The following MRAP2 variants were observed in gnomAD, a reference collection of about 807,000 sequenced individuals.
The protein encoded by MRAP2 is melanocortin 2 receptor accessory protein 2, also known as melanocortin-2 receptor accessory protein 2.
In MRAP2, 20 loss-of-function variants were observed where a neutral mutation model predicts 17.4. The ratio of observed to expected loss-of-function variants is 1.15; its 90% CI spans 0.81 to 1.67. The LOEUF is 1.67. MRAP2 is among the 40% of genes most tolerant of loss of function. MRAP2 has a pLI of 0.00. For synonymous variants in MRAP2, 96 were observed against 88.4 expected (o/e 1.09, Z -0.48); for missense variants, 238 against 240.0 (o/e 0.99, Z 0.05).
At chr6:84,123,253 CAA>C in the MRAP2 span, among the ~76,000 whole-genome samples, 23 of 119,380 alleles carry the variant, frequency 1.9e-4, no homozygotes, top group Non-Finnish European at 3.1e-4. Context: ...CGCCCAACTC[CAA>C]AAAAAAAAAA....
chr6:84,071,177 G>T (rs1007632933), intron 3 of MRAP2, among the ~76,000 whole-genome samples: 16 of 152,142 alleles, frequency 1.1e-4, no homozygotes, highest in Admixed American at 2.0e-4. Flanking sequence ...CATAGGTCCT[G>T]TGTGATTTAT....
chr6:84,092,961 A>C (rs955350847), downstream of MRAP2, among the ~76,000 whole-genome samples: 1 of 152,214 alleles, frequency 6.6e-6, no homozygotes, highest in Admixed American at 6.5e-5. Context: ...GTTAAGCTGC[A>C]AGGCCTGGAA....
chr6:84,099,181 C>CTTTTTTTT, the MRAP2 span, among the ~76,000 whole-genome samples: 2 of 117,398 alleles, frequency 1.7e-5, no homozygotes, highest in Admixed American at 8.3e-5. Flanking sequence ...AGATCCTTTT[C>CTTTTTTTT]TTTTTTTTTT....
At chr6:84,053,734 A>T (rs2099491032) in intron 1 of MRAP2, among the ~76,000 whole-genome samples, 1 of 152,236 alleles carries the variant, frequency 6.6e-6, no homozygotes, top group South Asian at 2.1e-4. Context: ...AACTCCATGA[A>T]GTGGGTACTA....
At chr6:84,118,211 C>A in the MRAP2 span, among the ~76,000 whole-genome samples, 3 of 152,150 alleles carry the variant, frequency 2.0e-5, no homozygotes, top group Middle Eastern at 3.4e-3. Context: ...CTGGGAGGAT[C>A]AGTCCAGTGA....
chr6:84,121,716 T>A, the MRAP2 span, among the ~76,000 whole-genome samples: 4 of 151,820 alleles, frequency 2.6e-5, no homozygotes, highest in Non-Finnish European at 5.9e-5. Flanking sequence ...GGGGAAACAA[T>A]GAAATTAAGG....
chr6:84,080,291 C>T (rs2099498648), intron 3 of MRAP2, among the ~76,000 whole-genome samples: 1 of 152,152 alleles, frequency 6.6e-6, no homozygotes, highest in South Asian at 2.1e-4. Context: ...CCGCCTCAGC[C>T]TCCCAAAGTG....
At chr6:84,116,918 T>C in the MRAP2 span, among the ~76,000 whole-genome samples, 1 of 152,208 alleles carries the variant, frequency 6.6e-6, no homozygotes, top group Non-Finnish European at 1.5e-5. Context: ...TTTGCATCGA[T>C]GTTCATCAAG....
At chr6:84,063,155 T>C in intron 3 of MRAP2, 163 bp downstream of exon 3, 2 of 985,424 alleles carry the variant, frequency 2.0e-6, no homozygotes, top group Non-Finnish European at 2.4e-6. Flanking sequence ...CCAGCTATTC[T>C]CCTGGCTTTT....
the MRAP2 span, among the ~76,000 whole-genome samples, chr6:84,130,023 G>A: frequency 6.6e-6 from 1 of 152,152 alleles, no homozygotes; most frequent in Admixed American, 6.6e-5. Context: ...CTATTATTTT[G>A]TGATACGTTC....
intron 2 of MRAP2, chr6:84,061,633 A>G (rs544812428): frequency 4.0e-6 from 1 of 252,878 alleles, no homozygotes; most frequent in African/African-American, 2.3e-5. Context: ...CCACGTTGGG[A>G]AAAGTTGTTC....
the MRAP2 span, among the ~76,000 whole-genome samples, chr6:84,097,751 T>C: frequency 3.2e-4 from 48 of 152,352 alleles, no homozygotes; most frequent in African/African-American, 1.2e-3. Flanking sequence ...TTATTAATCA[T>C]ATGGTCTTGA....
chr6:84,093,467 C>T (rs1025276820), downstream of MRAP2, among the ~76,000 whole-genome samples: 3 of 152,128 alleles, frequency 2.0e-5, no homozygotes, highest in Non-Finnish European at 2.9e-5. Context: ...GTAATCAGCA[C>T]CCTGGGTTCT....
At chr6:84,073,876 G>C (rs967454011) in intron 3 of MRAP2, among the ~76,000 whole-genome samples, 3 of 134,066 alleles carry the variant, frequency 2.2e-5, no homozygotes, top group Non-Finnish European at 4.6e-5. Flanking sequence ...ATATTTGTGT[G>C]TGTGTGTGTG....
At chr6:84,072,856 G>A (rs2099496538) in intron 3 of MRAP2, among the ~76,000 whole-genome samples, 1 of 152,090 alleles carries the variant, frequency 6.6e-6, no homozygotes. Flanking sequence ...GGGAAGTGGA[G>A]AAAAGCCAGC....
At chr6:84,102,117 A>C in the MRAP2 span, among the ~76,000 whole-genome samples, 1 of 152,232 alleles carries the variant, frequency 6.6e-6, no homozygotes, top group African/African-American at 2.4e-5. Flanking sequence ...TGAGATGGTC[A>C]AATGGAAAGA....
At chr6:84,144,221 T>C in the MRAP2 span, among the ~76,000 whole-genome samples, 1 of 152,034 alleles carries the variant, frequency 6.6e-6, no homozygotes, top group Non-Finnish European at 1.5e-5. Flanking sequence ...ACGTGATAAA[T>C]TGTACAGGAA....
chr6:84,084,859 CTTTATTTTAT>C (rs766383974), intron 3 of MRAP2, among the ~76,000 whole-genome samples: 3,727 of 137,090 alleles, frequency 0.027, 101 homozygotes, highest in African/African-American at 0.065. Flanking sequence ...CATTTCATTT[CTTTATTTTAT>C]TTTATTTTAT....
chr6:84,135,177 T>C, the MRAP2 span, among the ~76,000 whole-genome samples: 17 of 152,224 alleles, frequency 1.1e-4, no homozygotes, highest in African/African-American at 3.6e-4. Flanking sequence ...CTAATTATTA[T>C]GTATTAATAG....
Sources: gnomAD v4.1 joint callset for allele counts (sites outside exome capture counted in the v4.1 genomes callset) on GRCh38, gnomAD v4.1.1 for gene constraint, MANE v1.5 for transcripts, NCBI Gene and HGNC (gene_info 2026-07-23, HGNC 2026-07-21) for gene names.